Variants in OR10R2 observed in about 807,000 individuals in gnomAD.
OR10R2 encodes olfactory receptor 10R2.
Under a neutral mutation model 2.4 loss-of-function variants are expected in OR10R2, and 1 was observed. The observed-to-expected ratio is 0.41, with a 90% CI of 0.15 to 1.95. OR10R2 has a LOEUF of 1.95. Ranked by LOEUF, OR10R2 falls within the 30% of genes most tolerant of loss-of-function variation. The pLI is 0.30. For synonymous variants in OR10R2, 166 were observed against 144.8 expected (o/e 1.15, Z -1.05); for missense variants, 419 against 373.0 (o/e 1.12, Z -1.01).
intron 1 of OR10R2, among the ~76,000 whole-genome samples, chr1:158,473,270 T>C (rs778142336): frequency 6.6e-6 from 1 of 152,224 alleles, no homozygotes; most frequent in Non-Finnish European, 1.5e-5. Flanking sequence ...TGGTGCATGA[T>C]ACGGAAACTT....
chr1:158,477,724 C>T (rs1656295775), intron 1 of OR10R2, among the ~76,000 whole-genome samples: 1 of 152,156 alleles, frequency 6.6e-6, no homozygotes, highest in African/African-American at 2.4e-5. Flanking sequence ...AATGGCCGTA[C>T]TGTCAAAAGC....
intron 1 of OR10R2, among the ~76,000 whole-genome samples, chr1:158,476,547 CAA>C (rs11291030): frequency 0.014 from 1,591 of 109,988 alleles, 23 homozygotes; most frequent in African/African-American, 0.049. Flanking sequence ...GACTCCATCT[CAA>C]AAAAAAAAAA....
At chr1:158,480,388 G>A (rs1381717092) in exon 2 of OR10R2, 2 of 1,614,066 alleles carry the variant, frequency 1.2e-6, no homozygotes, top group African/African-American at 1.3e-5. Flanking sequence ...CTGTGCAATT[G>A]GTGGCTTCTT....
chr1:158,478,113 G>A (rs1656306007), intron 1 of OR10R2, among the ~76,000 whole-genome samples: 1 of 152,058 alleles, frequency 6.6e-6, no homozygotes. Flanking sequence ...CTGCAGAAGA[G>A]GGAAACTGGA....
exon 2 of OR10R2, chr1:158,479,959 A>G (rs61739693): frequency 0.017 from 27,088 of 1,613,878 alleles, 449 homozygotes; most frequent in Middle Eastern, 0.061. Flanking sequence ...AAACCTCACC[A>G]TGGTCACCGA....
chr1:158,473,590 T>C (rs1656203555), intron 1 of OR10R2, among the ~76,000 whole-genome samples: 1 of 152,216 alleles, frequency 6.6e-6, no homozygotes, highest in Admixed American at 6.5e-5. Context: ...GACATGGCTC[T>C]TTGCATGTTC....
chr1:158,476,055 T>C (rs928982318), intron 1 of OR10R2, among the ~76,000 whole-genome samples: 1 of 152,156 alleles, frequency 6.6e-6, no homozygotes, highest in Non-Finnish European at 1.5e-5. Context: ...CCATATTTTC[T>C]AATATATATA....
chr1:158,479,898 C>T, intron 1 of OR10R2, 40 bp from the exon 2 acceptor site: 1 of 1,609,984 alleles, frequency 6.2e-7, no homozygotes, highest in East Asian at 2.2e-5. Flanking sequence ...TTCTTATATT[C>T]ACATACCTGA....
intron 1 of OR10R2, among the ~76,000 whole-genome samples, chr1:158,473,769 T>TTCCTTCCTCCC (rs1656207719): frequency 7.4e-6 from 1 of 135,898 alleles, no homozygotes; most frequent in Non-Finnish European, 1.6e-5. Context: ...CCTTCCTTCC[T>TTCCTTCCTCCC]TCCTTCCTCC....
chr1:158,475,882 C>A (rs1018230725), intron 1 of OR10R2, among the ~76,000 whole-genome samples: 6 of 151,658 alleles, frequency 4.0e-5, no homozygotes, highest in Non-Finnish European at 5.9e-5. Flanking sequence ...AAAATTTAAA[C>A]TGATATTTAA....
At chr1:158,480,495 T>G in exon 2 of OR10R2, 3 of 1,613,746 alleles carry the variant, frequency 1.9e-6, no homozygotes, top group Non-Finnish European at 2.5e-6. Context: ...CAGTCATTCT[T>G]CTGGCTTGTA....
At chr1:158,480,896 C>T (rs1246071380) in exon 2 of OR10R2, 2 of 1,165,654 alleles carry the variant, frequency 1.7e-6, no homozygotes, top group East Asian at 2.6e-5. Context: ...AATATTATTA[C>T]ATTTTAGATT....
exon 2 of OR10R2, chr1:158,480,522 C>T (rs374216459): frequency 9.9e-6 from 16 of 1,613,318 alleles, no homozygotes; most frequent in Admixed American, 8.3e-5. Flanking sequence ...CAGATGTTAA[C>T]GAATTTGTGA....
At chr1:158,480,198 T>A in exon 2 of OR10R2, 1 of 1,614,124 alleles carries the variant, frequency 6.2e-7, no homozygotes. Flanking sequence ...ATCTACTTTC[T>A]GTGGCCAGGA....
intron 1 of OR10R2, among the ~76,000 whole-genome samples, chr1:158,476,402 G>A (rs2101673338): frequency 6.6e-6 from 1 of 151,922 alleles, no homozygotes; most frequent in South Asian, 2.1e-4. Context: ...AAAAAAATTA[G>A]CTGGGCGTGG....
intron 1 of OR10R2, among the ~76,000 whole-genome samples, chr1:158,475,689 T>A (rs1656255862): frequency 6.6e-6 from 1 of 151,760 alleles, no homozygotes; most frequent in African/African-American, 2.4e-5. Context: ...CTATTATTTC[T>A]AATTGTGCCT....
At chr1:158,473,794 CCCTCTCTG>C (rs1460294778) in intron 1 of OR10R2, among the ~76,000 whole-genome samples, 2 of 41,328 alleles carry the variant, frequency 4.8e-5, no homozygotes, top group Non-Finnish European at 9.9e-5. Context: ...TTCCCTCTTT[CCCTCTCTG>C]CTTCCTTCCT....
chr1:158,473,775 CCTCCCTCCTTCCCTCTTTCCCTCTCTG>C (rs1331967326), intron 1 of OR10R2, among the ~76,000 whole-genome samples: 5 of 132,492 alleles, frequency 3.8e-5, no homozygotes, highest in East Asian at 2.2e-4. Flanking sequence ...TTCCTTCCTT[CCTCCCTCCTTCCCTCTTTCCCTCTCTG>C]CTTCCTTCCT....
intron 1 of OR10R2, among the ~76,000 whole-genome samples, chr1:158,477,704 A>G (rs556734227): frequency 5.3e-5 from 8 of 152,322 alleles, no homozygotes; most frequent in African/African-American, 1.7e-4. Flanking sequence ...GGAATAATCA[A>G]TATTGTTAAA....
Sources: gnomAD v4.1 joint callset for allele counts (sites outside exome capture counted in the v4.1 genomes callset) on GRCh38, gnomAD v4.1.1 for gene constraint, MANE v1.5 for transcripts, NCBI Gene and HGNC (gene_info 2026-07-23, HGNC 2026-07-21) for gene names.